Variants in AFF3 observed in about 807,000 individuals in gnomAD.
AFF3 encodes ALF transcription elongation factor 3, also known as AF4/FMR2 family member 3.
Under a neutral mutation model 129.7 loss-of-function variants are expected in AFF3, and 32 were observed. The observed-to-expected ratio is 0.25, with a 90% CI of 0.19 to 0.33. AFF3 has a LOEUF of 0.33. AFF3 is among the 10% of genes least tolerant of loss of function. The probability of loss-of-function intolerance (pLI) is 1.00; values close to 1 mark genes in which losing one functional copy is unlikely to be tolerated. For missense variants in AFF3, 1,373 were observed against 1,592.0 expected, an observed-to-expected ratio of 0.86 and a Z score of 2.34; for synonymous variants, 644 against 635.4, an observed-to-expected ratio of 1.01 and a Z score of -0.20.
At chr2:100,126,425 A>G (rs1488663784) in intron 2 of AFF3, among the ~76,000 whole-genome samples, 1 of 152,196 alleles carries the variant, frequency 6.6e-6, no homozygotes, top group East Asian at 1.9e-4. Context: ...ATAGATGTGG[A>G]TGCACACAGA....
At chr2:100,131,780 T>A (rs1350741044) in intron 1 of AFF3, among the ~76,000 whole-genome samples, 1 of 152,220 alleles carries the variant, frequency 6.6e-6, no homozygotes, top group Non-Finnish European at 1.5e-5. Flanking sequence ...GTGTCATACA[T>A]GGCATTAGAA....
Position 99,624,559 on chromosome 2 carries a change from A to G in AFF3, c.1185-22938T>C, listed in dbSNP as rs1455164889. 2.6e-5 allele frequency among the ~76,000 whole-genome samples: 4 copies of G among 152,204 alleles called. 1 individual carries two copies. The highest frequency in any genetic ancestry group is 3.9e-4 in the East Asian group (2 of 5,192). On this transcript the variant is annotated intron_variant, in intron 13 of 24. Coordinates refer to ENST00000672756, the MANE Select transcript of AFF3 (RefSeq NM_001386135.1). Reference sequence around the variant, plus strand: ...GTGTCACCCACACGCAGCCCCATTAATAAGAGCCTCGCAGTCCAATGCCAC... The same window carrying G: ...GTGTCACCCACACGCAGCCCCATTAGTAAGAGCCTCGCAGTCCAATGCCAC...
intron 5 of AFF3, 24 bp downstream of exon 5, chr2:100,008,788 G>C: frequency 6.2e-7 from 1 of 1,610,522 alleles, no homozygotes; most frequent in Admixed American, 1.7e-5. Flanking sequence ...GAGAGGTAGA[G>C]ATGAACAACT....
chr2:99,788,405 G>C (rs1684961970), intron 8 of AFF3, among the ~76,000 whole-genome samples: 1 of 152,104 alleles, frequency 6.6e-6, no homozygotes, highest in South Asian at 2.1e-4. Context: ...CGATGATCCT[G>C]ACCCTGTGCA....
chr2:100,019,058 G>A (rs1683370496), intron 4 of AFF3, among the ~76,000 whole-genome samples: 1 of 152,138 alleles, frequency 6.6e-6, no homozygotes, highest in Admixed American at 6.5e-5. Flanking sequence ...AATCCTTGCT[G>A]TGGCCACTCA....
At position 99,629,893 on chromosome 2, in the gene AFF3, A is replaced by G. The variant is rs1440410373; in HGVS notation, c.1184+19733T>C. Among the ~76,000 whole-genome samples the G allele has an allele frequency of 2.0e-5, 3 of 152,078 alleles. No individual in the cohort carries two copies. The East Asian group carries it at 5.8e-4, about 29-fold the overall frequency. Reference sequence around the variant, plus strand: ...TCACCTAAATCTAATCACCCCCACCAAAGGCCCCACCTCCTAATACTATCA... The same window carrying G: ...TCACCTAAATCTAATCACCCCCACCGAAGGCCCCACCTCCTAATACTATCA... On this transcript the variant is annotated intron_variant, in intron 13 of 24. Transcript: ENST00000672756.
intron 7 of AFF3, among the ~76,000 whole-genome samples, chr2:99,890,854 T>C (rs538587822): frequency 2.2e-4 from 34 of 152,012 alleles, no homozygotes; most frequent in Middle Eastern, 3.2e-3. Context: ...CCTTGCTCAC[T>C]GGGGCCTGCC....
At chr2:99,950,723 C>T (rs1203879555) in intron 7 of AFF3, among the ~76,000 whole-genome samples, 2 of 152,172 alleles carry the variant, frequency 1.3e-5, no homozygotes, top group Non-Finnish European at 2.9e-5. Flanking sequence ...TAAAAACCTA[C>T]TATACATAAT....
At position 99,548,715 on chromosome 2, in the gene AFF3, C is replaced by T; in HGVS notation, c.*2759G>A. Reference sequence around the variant, plus strand: ...CCATGATCGCGCCACCGCATTCCAGCTTGGGCTACAGAGCCAGACCCGGTC... The same window carrying T: ...CCATGATCGCGCCACCGCATTCCAGTTTGGGCTACAGAGCCAGACCCGGTC... On this transcript the variant is annotated 3_prime_UTR_variant, in exon 25 of 25. Transcript: ENST00000672756. 1 of 228,480 alleles carries T rather than the reference C, an allele frequency of 4.4e-6. No individual in the cohort carries two copies. Among genetic ancestry groups the T allele is most frequent in the Admixed American group, 5.7e-5 (1 of 17,636 alleles). The allele number at this position is 228,480 out of a possible 1,614,324, so 14.2% of individuals were successfully genotyped here.
intron 8 of AFF3, among the ~76,000 whole-genome samples, chr2:99,791,978 C>T (rs1685229053): frequency 6.6e-6 from 1 of 151,954 alleles, no homozygotes; most frequent in Non-Finnish European, 1.5e-5. Flanking sequence ...GGTTATAGTG[C>T]TGTTAGCTGT....
chr2:99,846,711 T>C (rs758960352), intron 7 of AFF3, among the ~76,000 whole-genome samples: 1 of 152,260 alleles, frequency 6.6e-6, no homozygotes, highest in Non-Finnish European at 1.5e-5. Flanking sequence ...ATGACCATTG[T>C]AAATGGCAAA....
At chr2:99,840,384 G>A (rs1006510633) in intron 7 of AFF3, among the ~76,000 whole-genome samples, 4 of 152,132 alleles carry the variant, frequency 2.6e-5, no homozygotes, top group Non-Finnish European at 1.5e-5. Flanking sequence ...ATTATTTGGT[G>A]AATTTTCGTT....
chr2:99,582,783 A>G lies in AFF3; in HGVS notation c.2793+15T>C, dbSNP rs753041256. On this transcript the variant is annotated intron_variant, in intron 17 of 24. Transcript: ENST00000672756. ...CATTTTGGTTTTAATTGGGAAAGGA[A>G]GAGCATCAACAAACCGTGAGGTCTC... The G allele has an allele frequency of 4.3e-6, 7 of 1,613,536 alleles. No individual in the cohort carries two copies. The highest frequency in any genetic ancestry group is 1.1e-5 in the South Asian group (1 of 91,052).
chr2:100,063,911 G>C (rs531181793), intron 4 of AFF3, among the ~76,000 whole-genome samples: 7 of 152,046 alleles, frequency 4.6e-5, no homozygotes, highest in African/African-American at 1.2e-4. Flanking sequence ...CCAACATGGA[G>C]AAACCCCATA....
chr2:100,106,043 C>T (rs1300401401), intron 2 of AFF3: 1 of 1,316,900 alleles, frequency 7.6e-7, no homozygotes, highest in South Asian at 1.2e-5. Context: ...CACCCACCTC[C>T]GAATGAGGAT....
chr2:99,823,359 G>C (rs1225702812), intron 8 of AFF3, among the ~76,000 whole-genome samples: 1 of 150,414 alleles, frequency 6.6e-6, no homozygotes, highest in Non-Finnish European at 1.5e-5. Flanking sequence ...TGCCAGAGAA[G>C]GGAAAGCTAC....
chr2:99,984,085 A>C (rs911482252), intron 7 of AFF3, among the ~76,000 whole-genome samples: 1 of 152,198 alleles, frequency 6.6e-6, no homozygotes, highest in Non-Finnish European at 1.5e-5. Context: ...TTGTAAGAAT[A>C]AGCTTTGTTT....
intron 7 of AFF3, among the ~76,000 whole-genome samples, chr2:100,001,028 G>A (rs896417574): frequency 2.0e-5 from 3 of 152,210 alleles, no homozygotes; most frequent in Non-Finnish European, 1.5e-5. Flanking sequence ...GAAGCCCGGG[G>A]GTTCTTGAGC....
At chr2:99,751,542 A>G (rs553410749) in intron 9 of AFF3, among the ~76,000 whole-genome samples, 1 of 152,362 alleles carries the variant, frequency 6.6e-6, no homozygotes, top group South Asian at 2.1e-4. Context: ...ATGGCACATA[A>G]ACTCCTGATA....
Sources: gnomAD v4.1 joint callset for allele counts (sites outside exome capture counted in the v4.1 genomes callset) on GRCh38, gnomAD v4.1.1 for gene constraint, MANE v1.5 for transcripts, NCBI Gene and HGNC (gene_info 2026-07-23, HGNC 2026-07-21) for gene names.